Variants in HERPUD2 observed in about 807,000 individuals in gnomAD.
HERPUD2 encodes homocysteine-responsive endoplasmic reticulum-resident ubiquitin-like domain member 2 protein.
A neutral mutation model predicts 49.9 loss-of-function variants in HERPUD2; 13 were observed. That is an observed-to-expected ratio of 0.26 (90% CI 0.17 to 0.41). The LOEUF is 0.41. HERPUD2 is among the 10% of genes least tolerant of loss of function. The pLI is 1.00. For missense variants in HERPUD2, 449 were observed against 492.2 expected, an observed-to-expected ratio of 0.91 and a Z score of 0.83; for synonymous variants, 172 against 171.4, an observed-to-expected ratio of 1.00 and a Z score of -0.03.
At chr7:35,687,293 C>T (rs1238017512) in intron 2 of HERPUD2, among the ~76,000 whole-genome samples, 1 of 152,124 alleles carries the variant, frequency 6.6e-6, no homozygotes, top group Non-Finnish European at 1.5e-5. Flanking sequence ...ATACTGGCTC[C>T]ACAGAGTAAC....
intron 5 of HERPUD2, among the ~76,000 whole-genome samples, chr7:35,658,957 T>A (rs143033543): frequency 6.6e-6 from 1 of 152,188 alleles, no homozygotes; most frequent in East Asian, 1.9e-4. Flanking sequence ...CTGAACACCA[T>A]CTCAAAACTA....
chr7:35,673,686 AATC>A (rs1349808090), intron 2 of HERPUD2, among the ~76,000 whole-genome samples: 10 of 152,136 alleles, frequency 6.6e-5, no homozygotes, highest in Non-Finnish European at 1.5e-4. Flanking sequence ...ATGTCACCAG[AATC>A]ATTTTGCCTT....
At chr7:35,651,826 A>G (rs1425881491) in intron 5 of HERPUD2, among the ~76,000 whole-genome samples, 1 of 152,240 alleles carries the variant, frequency 6.6e-6, no homozygotes, top group African/African-American at 2.4e-5. Flanking sequence ...AAAAAATCTG[A>G]AAAACAATTC....
intron 2 of HERPUD2, among the ~76,000 whole-genome samples, chr7:35,677,703 A>T (rs1785796373): frequency 6.6e-6 from 1 of 152,190 alleles, no homozygotes; most frequent in South Asian, 2.1e-4. Context: ...TCTTCAAGAG[A>T]GAAATAATGT....
chr7:35,660,139 G>A (rs1325197102), intron 5 of HERPUD2, among the ~76,000 whole-genome samples: 3 of 152,082 alleles, frequency 2.0e-5, no homozygotes, highest in African/African-American at 4.8e-5. Context: ...TTTGTTTTCT[G>A]TCCTTGCGAT....
In HERPUD2 at chr7:35,683,981, G is replaced by A. The variant is rs1371005427; in HGVS notation, c.147+10203C>T. Among the ~76,000 whole-genome samples, 9 of 152,208 alleles carry A rather than the reference G, an allele frequency of 5.9e-5. No homozygotes were observed. In the South Asian group the frequency reaches 6.2e-4, roughly 10 times the overall value. ...GGTGGGAATATAAACTAGTACAACC[G>A]TTATGGAAAACAGTGTGGAGATTCC... On this transcript the variant is annotated intron_variant, in intron 2 of 8. Coordinates refer to ENST00000311350, the MANE Select transcript of HERPUD2 (RefSeq NM_022373.5).
At chr7:35,637,107 T>C (rs1784881893) in intron 6 of HERPUD2, among the ~76,000 whole-genome samples, 1 of 149,740 alleles carries the variant, frequency 6.7e-6, no homozygotes, top group Non-Finnish European at 1.5e-5. Flanking sequence ...CACTCTAGCC[T>C]AGGTAACAGA....
At chr7:35,665,243 C>G (rs538686576) in intron 5 of HERPUD2, among the ~76,000 whole-genome samples, 10 of 152,364 alleles carry the variant, frequency 6.6e-5, no homozygotes, top group Admixed American at 3.3e-4. Flanking sequence ...AGGGAGGCCT[C>G]CTTGAGCTGA....
At chr7:35,687,709 A>C (rs1294466023) in intron 2 of HERPUD2, among the ~76,000 whole-genome samples, 1 of 152,228 alleles carries the variant, frequency 6.6e-6, no homozygotes, top group African/African-American at 2.4e-5. Flanking sequence ...GCCATTATTG[A>C]AAGTGTCTGA....
At chr7:35,649,120 A>G (rs6462621) in intron 5 of HERPUD2, among the ~76,000 whole-genome samples, 97,672 of 151,622 alleles carry the variant, frequency 0.64, 32,642 homozygotes, top group African/African-American at 0.82. Context: ...GCGTGGTGGC[A>G]GGCGCCTGTA....
rs112592468 is a variant in HERPUD2, at chr7:35,638,516, A to G, written c.495-44T>C. On this transcript the variant is annotated intron_variant, in intron 5 of 8. Coordinates refer to ENST00000311350, the MANE Select transcript of HERPUD2 (RefSeq NM_022373.5). ...GAGCTCTTTTAATGCTCTAGCAGCT[A>G]AAAGTATTATTCTAAATTTTCATTT... The G allele has an allele frequency of 3.2e-6, 5 of 1,569,728 alleles. No individual in the cohort carries two copies. In the African/African-American group the frequency reaches 4.1e-5, roughly 13 times the overall value.
intron 2 of HERPUD2, among the ~76,000 whole-genome samples, chr7:35,686,252 G>A (rs556463799): frequency 0.011 from 1,651 of 150,386 alleles, 17 homozygotes; most frequent in Middle Eastern, 0.021. Context: ...GCAGTGGCGC[G>A]ATCTCAGCTC....
chr7:35,648,969 T>C (rs1482206977), intron 5 of HERPUD2, among the ~76,000 whole-genome samples: 1 of 152,210 alleles, frequency 6.6e-6, no homozygotes, highest in Non-Finnish European at 1.5e-5. Context: ...TGTGGATTTA[T>C]GGCCGGGAGC....
chr7:35,689,785 C>G (rs1415101911), intron 2 of HERPUD2, among the ~76,000 whole-genome samples: 1 of 152,156 alleles, frequency 6.6e-6, no homozygotes, highest in East Asian at 1.9e-4. Context: ...CTGCCCAGAA[C>G]TGAGGGACAC....
intron 5 of HERPUD2, among the ~76,000 whole-genome samples, chr7:35,657,404 GT>G (rs1785297681): frequency 1.3e-5 from 2 of 152,082 alleles, no homozygotes; most frequent in Admixed American, 1.3e-4. Context: ...CTTATACACT[GT>G]TGGTAGGAAT....
intron 5 of HERPUD2, among the ~76,000 whole-genome samples, chr7:35,662,562 G>GGTCT (rs1338749672): frequency 1.3e-5 from 2 of 152,108 alleles, no homozygotes; most frequent in African/African-American, 4.8e-5. Flanking sequence ...ACCCGTTATT[G>GGTCT]GTCTATTCAG....
At chr7:35,681,636 G>A (rs755578998) in intron 2 of HERPUD2, among the ~76,000 whole-genome samples, 1 of 152,058 alleles carries the variant, frequency 6.6e-6, no homozygotes, top group Non-Finnish European at 1.5e-5. Context: ...ATGCACACAC[G>A]GAATATTATT....
At chr7:35,682,355 G>GTA (rs761127223) in intron 2 of HERPUD2, among the ~76,000 whole-genome samples, 15 of 30,370 alleles carry the variant, frequency 4.9e-4, no homozygotes, top group Non-Finnish European at 2.5e-4. Context: ...GTGTGTGTGT[G>GTA]TGTATATATA....
intron 5 of HERPUD2, among the ~76,000 whole-genome samples, chr7:35,651,954 A>T (rs1350722226): frequency 2.0e-5 from 3 of 152,154 alleles, no homozygotes; most frequent in Admixed American, 6.5e-5. Context: ...TTATCTGAGC[A>T]ATTTAGAAGG....
Sources: gnomAD v4.1 joint callset for allele counts (sites outside exome capture counted in the v4.1 genomes callset) on GRCh38, gnomAD v4.1.1 for gene constraint, MANE v1.5 for transcripts, NCBI Gene and HGNC (gene_info 2026-07-23, HGNC 2026-07-21) for gene names.